The following PZP variants were observed in gnomAD, a reference collection of about 807,000 sequenced individuals.
The protein encoded by PZP is PZP alpha-2-macroglobulin like.
A neutral mutation model predicts 179.8 loss-of-function variants in PZP; 150 were observed. That is an observed-to-expected ratio of 0.83 (90% confidence interval 0.73 to 0.96). The LOEUF is 0.96. Ranked by LOEUF, PZP falls within the 40% of genes least tolerant of loss-of-function variation. PZP has a pLI of 0.00. For missense variants in PZP, 1,689 were observed against 1,764.0 expected (o/e 0.96, Z 0.76); for synonymous variants, 624 against 652.3 (o/e 0.96, Z 0.66).
rs1425879490 is a variant in PZP, at chr12:9,201,270, AC to A, written c.501+56del. ...TTCATCTGTCTAGAGTATTATCAGA[AC>A]CTCCTACTCTCTAAAAGCACTAATT... On this transcript the variant is annotated intron_variant, in intron 5 of 35. Coordinates refer to ENST00000261336, the MANE Select transcript of PZP (RefSeq NM_002864.3). The A allele has an allele frequency of 3.1e-5, 45 of 1,428,658 alleles. No individual in the cohort carries two copies. The Admixed American group carries it at 8.3e-4, about 26-fold the overall frequency. 88.5% of individuals were successfully genotyped at this position (1,428,658 alleles called of 1,614,324 possible). A position where few individuals can be genotyped will look rare whatever the true frequency, so the allele number is the denominator to read the frequency against.
At chr12:9,196,235 C>A in intron 10 of PZP, 95 bp downstream of exon 10, 1 of 768,488 alleles carries the variant, frequency 1.3e-6, no homozygotes, top group Non-Finnish European at 2.1e-6. Flanking sequence ...TATTAATTAA[C>A]TGATAACACT....
chr12:9,167,325 A>T (rs1941653749), intron 17 of PZP: 1 of 151,854 alleles, frequency 6.6e-6, no homozygotes, highest in African/African-American at 2.4e-5. Context: ...TATCCTTCCT[A>T]CTCTTACTGT....
In PZP at chr12:9,160,846, C is replaced by T. The variant is rs753129011; in HGVS notation, c.2872+187G>A. ...AGGAGAATGGCGTGAACCCAGGAGG[C>T]GGAGCTTGCAGTGAGCCGAGATCAC... On this transcript the variant is annotated intron_variant, in intron 23 of 35. Coordinates refer to ENST00000261336, the MANE Select transcript of PZP (RefSeq NM_002864.3). Among the ~76,000 whole-genome samples the T allele has an allele frequency of 5.3e-5, 8 of 151,124 alleles. No individual in the cohort carries two copies. In the South Asian group the frequency reaches 6.3e-4, roughly 12 times the overall value.
intron 13 of PZP, among the ~76,000 whole-genome samples, chr12:9,183,093 C>G (rs1942877188): frequency 6.6e-6 from 1 of 152,124 alleles, no homozygotes; most frequent in South Asian, 2.1e-4. Flanking sequence ...TGTAGAAGAA[C>G]TATAATTGAT....
At chr12:9,203,693 G>GCT in intron 2 of PZP, 75 bp downstream of exon 2, 1 of 1,531,212 alleles carries the variant, frequency 6.5e-7, no homozygotes, top group Non-Finnish European at 8.9e-7. Context: ...GCACACCAGA[G>GCT]CTCCATCACC....
In PZP at chr12:9,194,077, C is replaced by A. The variant is rs773035773; in HGVS notation, c.1254G>T (p.Arg418=). Residue 418 remains arginine (R), a splice_region_variant and synonymous_variant, in exon 11 of 36, where the codon CGG becomes CGT. Coordinates refer to ENST00000261336, the MANE Select transcript of PZP (RefSeq NM_002864.3). ...TSISVNKLFV[R]VFTVHPNLCF... ...CAGAGATTTGTCTTTCTATACTTAC[C>A]CGGACAAAAAGTTTATTAACCGAGA... 6.2e-7 allele frequency: 1 copy of A among 1,611,464 alleles called. No individual in the cohort carries two copies. Among genetic ancestry groups the A allele is most frequent in the South Asian group, 1.1e-5 (1 of 90,670 alleles).
chr12:9,169,336 G>T (rs1471261559), intron 16 of PZP, 94 bp downstream of exon 16: 4 of 1,207,748 alleles, frequency 3.3e-6, no homozygotes, highest in Admixed American at 2.6e-5. Flanking sequence ...GAGAGGCAAG[G>T]CTACATAATT....
chr12:9,178,705 A>C (rs1281860288), intron 15 of PZP, among the ~76,000 whole-genome samples: 2 of 152,164 alleles, frequency 1.3e-5, no homozygotes, highest in African/African-American at 4.8e-5. Flanking sequence ...AAAGGCATTA[A>C]ATTTGTGGGT....
chr12:9,154,288 T>C lies in PZP; in HGVS notation c.3774+328A>G, dbSNP rs1940578614. On this transcript the variant is annotated intron_variant, in intron 29 of 35. Coordinates refer to ENST00000261336, the MANE Select transcript of PZP (RefSeq NM_002864.3). ...TTATAAGGCTGAGGATAGTTCCTTT[T>C]ACAACGATGATGTGGCTCGAAATGT... 1.3e-5 allele frequency among the ~76,000 whole-genome samples: 2 copies of C among 152,216 alleles called. 1 individual carries two copies. Among genetic ancestry groups the C allele is most frequent in the South Asian group, 4.1e-4 (2 of 4,830 alleles).
chr12:9,145,142 C>G (rs1418528021), downstream of PZP, among the ~76,000 whole-genome samples: 1 of 152,082 alleles, frequency 6.6e-6, no homozygotes, highest in Non-Finnish European at 1.5e-5. Context: ...TATGTGTTTT[C>G]ATTGGGAGGT....
downstream of PZP, among the ~76,000 whole-genome samples, chr12:9,144,056 T>A (rs546611950): frequency 6.6e-6 from 1 of 152,114 alleles, no homozygotes; most frequent in African/African-American, 2.4e-5. Flanking sequence ...CCGGGTACCA[T>A]GAGAAAGTCA....
rs1473716200 is a variant in PZP, at chr12:9,182,123, A to G, written c.1547-6T>C. 3 of 1,613,300 alleles carry G rather than the reference A, an allele frequency of 1.9e-6. No individual in the cohort carries two copies. In the African/African-American group the frequency reaches 4.0e-5, roughly 22 times the overall value. On this transcript the variant is annotated splice_region_variant and splice_polypyrimidine_tract_variant and intron_variant, in intron 13 of 35. Coordinates refer to ENST00000261336, the MANE Select transcript of PZP (RefSeq NM_002864.3). ...TAAGGCAAAACTGCCTTTCACTGGAACATGGAGAGAGTGAGACAAAATGGT... is the reference window on the plus strand; with the variant it reads ...TAAGGCAAAACTGCCTTTCACTGGAGCATGGAGAGAGTGAGACAAAATGGT...
chr12:9,156,719 T>G (rs1469776637), intron 28 of PZP, among the ~76,000 whole-genome samples: 3 of 152,164 alleles, frequency 2.0e-5, no homozygotes, highest in African/African-American at 7.2e-5. Context: ...AGAAGACAGT[T>G]TTATAAGAGG....
intron 13 of PZP, among the ~76,000 whole-genome samples, chr12:9,183,267 G>A (rs914806508): frequency 1.3e-5 from 2 of 152,134 alleles, no homozygotes; most frequent in African/African-American, 2.4e-5. Flanking sequence ...TCAAATGAGT[G>A]CATTTTAGCT....
chr12:9,141,772 C>A, the PZP span, among the ~76,000 whole-genome samples: 1 of 152,098 alleles, frequency 6.6e-6, no homozygotes, highest in African/African-American at 2.4e-5. Context: ...CTTTTAGCAA[C>A]CTTTACTTTT....
downstream of PZP, among the ~76,000 whole-genome samples, chr12:9,147,376 A>T (rs1940064616): frequency 6.6e-6 from 1 of 152,286 alleles, no homozygotes; most frequent in South Asian, 2.1e-4. Flanking sequence ...TCTCTCCCCT[A>T]AGAGAAGCTG....
At chr12:9,174,220 C>CA (rs1942204232) in intron 15 of PZP, among the ~76,000 whole-genome samples, 2 of 152,184 alleles carry the variant, frequency 1.3e-5, no homozygotes, top group African/African-American at 2.4e-5. Flanking sequence ...GAACTAAAGA[C>CA]AAAAACCACA....
chr12:9,189,759 A>G (rs1943348182), intron 13 of PZP, among the ~76,000 whole-genome samples: 1 of 152,232 alleles, frequency 6.6e-6, no homozygotes, highest in Non-Finnish European at 1.5e-5. Context: ...AAGGTCTAAT[A>G]TCTAGCATCT....
At chr12:9,198,592 T>C (rs1943974188) in intron 7 of PZP, among the ~76,000 whole-genome samples, 1 of 152,024 alleles carries the variant, frequency 6.6e-6, no homozygotes, top group African/African-American at 2.4e-5. Flanking sequence ...TAGGAACACA[T>C]GAGGCATGTA....
Sources: gnomAD v4.1 joint callset for allele counts (sites outside exome capture counted in the v4.1 genomes callset) on GRCh38, gnomAD v4.1.1 for gene constraint, MANE v1.5 for transcripts, NCBI Gene and HGNC (gene_info 2026-07-23, HGNC 2026-07-21) for gene names.